Variants in CNOT4 observed in about 807,000 individuals in gnomAD.
CNOT4 encodes the protein CCR4-associated factor 4.
Under a neutral mutation model 73.8 loss-of-function variants are expected in CNOT4, and 8 were observed. That is an observed-to-expected ratio of 0.11 (90% CI 0.06 to 0.20). CNOT4 has a LOEUF of 0.20. Among genes scored for constraint, CNOT4 ranks in the 10% least tolerant of loss-of-function variants. The pLI is 1.00. For synonymous variants in CNOT4, 293 were observed against 321.1 expected, an observed-to-expected ratio of 0.91 and a Z score of 0.94; for missense variants, 564 against 883.4, an observed-to-expected ratio of 0.64 and a Z score of 4.58.
intron 1 of CNOT4, among the ~76,000 whole-genome samples, chr7:135,505,157 G>C (rs1804280453): frequency 6.6e-6 from 1 of 152,066 alleles, no homozygotes; most frequent in African/African-American, 2.4e-5. Context: ...TATACAAATA[G>C]CAAGACTTAT....
intron 6 of CNOT4, among the ~76,000 whole-genome samples, chr7:135,411,301 A>G (rs1797576241): frequency 6.6e-6 from 1 of 152,070 alleles, no homozygotes; most frequent in Admixed American, 6.6e-5. Context: ...TTACTGGAAC[A>G]TGGTCATGCC....
chr7:135,430,958 A>G (rs1285477100), intron 2 of CNOT4, among the ~76,000 whole-genome samples: 1 of 152,216 alleles, frequency 6.6e-6, no homozygotes, highest in Admixed American at 6.5e-5. Context: ...GAATTAAGGC[A>G]AGAAAAAGAA....
chr7:135,439,476 T>C (rs1193374056), intron 1 of CNOT4, among the ~76,000 whole-genome samples: 2 of 152,144 alleles, frequency 1.3e-5, no homozygotes, highest in Non-Finnish European at 2.9e-5. Context: ...CTAAAGAATC[T>C]AGATATAGCT....
chr7:135,422,863 A>G (rs1798267681), intron 2 of CNOT4, among the ~76,000 whole-genome samples: 1 of 152,130 alleles, frequency 6.6e-6, no homozygotes, highest in Non-Finnish European at 1.5e-5. Flanking sequence ...TAGCAATCAC[A>G]CTGTTGTGTG....
intron 10 of CNOT4, among the ~76,000 whole-genome samples, chr7:135,370,357 A>G (rs1795129706): frequency 6.6e-6 from 1 of 152,234 alleles, no homozygotes; most frequent in South Asian, 2.1e-4. Flanking sequence ...CAGACACGCT[A>G]CATATGACTT....
At chr7:135,371,015 A>G (rs1014086388) in intron 10 of CNOT4, among the ~76,000 whole-genome samples, 2 of 152,230 alleles carry the variant, frequency 1.3e-5, no homozygotes, top group Non-Finnish European at 2.9e-5. Context: ...ATATTAAACA[A>G]AAGTCTCTAA....
At chr7:135,429,714 T>C (rs997507347) in intron 2 of CNOT4, among the ~76,000 whole-genome samples, 1 of 152,320 alleles carries the variant, frequency 6.6e-6, no homozygotes, top group African/African-American at 2.4e-5. Context: ...CATAAACAAC[T>C]GCAGAACTAG....
At chr7:135,483,997 C>T (rs553952587) in intron 1 of CNOT4, among the ~76,000 whole-genome samples, 1 of 152,198 alleles carries the variant, frequency 6.6e-6, no homozygotes, top group Admixed American at 6.5e-5. Context: ...AGTCCGAAAC[C>T]AGCCTGGCCA....
At chr7:135,487,233 ATTTTC>A (rs1488744755) in intron 1 of CNOT4, among the ~76,000 whole-genome samples, 7 of 145,058 alleles carry the variant, frequency 4.8e-5, no homozygotes, top group Admixed American at 1.4e-4. Context: ...CTTTTATATG[ATTTTC>A]TTTTCTTTTC....
At chr7:135,393,440 T>C (rs1796502094) in intron 10 of CNOT4, among the ~76,000 whole-genome samples, 1 of 152,208 alleles carries the variant, frequency 6.6e-6, no homozygotes, top group Non-Finnish European at 1.5e-5. Flanking sequence ...TCAGTTTTGA[T>C]GTGTGTGTAT....
chr7:135,449,645 G>T (rs1364347382), intron 1 of CNOT4, among the ~76,000 whole-genome samples: 1 of 152,160 alleles, frequency 6.6e-6, no homozygotes, highest in Non-Finnish European at 1.5e-5. Context: ...GTATCTTCAA[G>T]ATATGAAGAG....
intron 7 of CNOT4, among the ~76,000 whole-genome samples, chr7:135,400,758 T>C (rs964550219): frequency 1.3e-5 from 2 of 152,184 alleles, no homozygotes; most frequent in Admixed American, 6.5e-5. Flanking sequence ...ATTTGTAGAT[T>C]GTGTTATCTA....
chr7:135,410,240 T>A (rs1225296395), intron 7 of CNOT4, among the ~76,000 whole-genome samples: 3 of 152,080 alleles, frequency 2.0e-5, no homozygotes, highest in African/African-American at 7.2e-5. Flanking sequence ...AATTTTCTCT[T>A]TAATAAGGAA....
intron 3 of CNOT4, among the ~76,000 whole-genome samples, chr7:135,421,806 T>C (rs1252777292): frequency 6.6e-6 from 1 of 152,174 alleles, no homozygotes; most frequent in Non-Finnish European, 1.5e-5. Context: ...TTGGTTCTTA[T>C]ACAGACACAG....
intron 1 of CNOT4, among the ~76,000 whole-genome samples, chr7:135,453,985 T>C (rs1218010050): frequency 7.5e-6 from 1 of 133,098 alleles, no homozygotes; most frequent in Non-Finnish European, 1.6e-5. Flanking sequence ...AAAAAATATA[T>C]ATACATATAT....
At chr7:135,450,933 G>A (rs776791628) in intron 1 of CNOT4, among the ~76,000 whole-genome samples, 20 of 152,068 alleles carry the variant, frequency 1.3e-4, no homozygotes, top group South Asian at 2.1e-4. Context: ...CTCCAGCCTA[G>A]GTGACAAAGT....
intron 2 of CNOT4, among the ~76,000 whole-genome samples, chr7:135,432,946 A>T (rs1798933464): frequency 6.6e-6 from 1 of 152,228 alleles, no homozygotes; most frequent in Non-Finnish European, 1.5e-5. Context: ...GGAAGCTTGT[A>T]GAACTTCTTT....
Position 135,362,965 on chromosome 7 carries a change from G to C in CNOT4, c.2062C>G (p.Pro688Ala). ...GGTCTGAAGGCTGTCTGAAAGCCTGGGGGTGGGGAGTGGAAGCTGGAAGGG... is the reference window on the plus strand; with the variant it reads ...GGTCTGAAGGCTGTCTGAAAGCCTGCGGGTGGGGAGTGGAAGCTGGAAGGG... ...SNPSSFHSPP[P>A]GFQTAFRPPS... Residue 688 changes from proline to alanine, a missense_variant, in exon 12 of 12, where the codon CCA (proline) becomes GCA (alanine). Around this residue, in one of 10 missense-constraint regions of CNOT4, gnomAD observed 88 missense variants for 94.7 expected, o/e 0.93. Coordinates refer to ENST00000541284, the MANE Select transcript of CNOT4 (RefSeq NM_001190850.2). 1 of 1,613,342 alleles carries C rather than the reference G, an allele frequency of 6.2e-7. No individual in the cohort carries two copies. Among genetic ancestry groups the C allele is most frequent in the South Asian group, 1.1e-5 (1 of 91,032 alleles).
Position 135,363,122 on chromosome 7 carries a change from T to C in CNOT4, c.1905A>G (p.Leu635=), listed in dbSNP as rs1794728271. ...TCTCTGTGAGGGCCTGAAGGGATTT[T>C]AGCCAGTGTGGAGGATTGTCATCTT... ...SLQDDNPPHW[L]KSLQALTEMD... Residue 635 remains leucine, a synonymous_variant, in exon 12 of 12, where the codon CTA becomes CTG. Transcript: ENST00000541284. This position sits in a 1 kb window ranked among gnomAD's most constrained non-coding sequence, Gnocchi z 4.3. 2 of 1,613,954 alleles carry C rather than the reference T, an allele frequency of 1.2e-6. No homozygotes were observed. The highest frequency in any genetic ancestry group is 1.7e-6 in the Non-Finnish European group (2 of 1,180,004).
Sources: allele counts gnomAD v4.1 joint callset (sites outside exome capture counted in the v4.1 genomes callset), GRCh38; gene constraint gnomAD v4.1.1; regional missense constraint gnomAD v4.1.1; non-coding constraint Gnocchi (gnomAD v3.1); transcripts MANE v1.5; gene names NCBI Gene and HGNC (gene_info 2026-07-23, HGNC 2026-07-21).